The following NRXN3 variants were observed in gnomAD, a reference collection of about 807,000 sequenced individuals.
NRXN3 encodes the protein neurexin III.
NRXN3 carries 32 observed loss-of-function variants against 137.6 expected under a neutral mutation model. That is an observed-to-expected ratio of 0.23 (90% CI 0.18 to 0.31). NRXN3 has a LOEUF of 0.31. NRXN3 is among the 10% of genes least tolerant of loss of function. The pLI is 1.00. For missense variants in NRXN3, 1,574 were observed against 2,062.5 expected (o/e 0.76, Z 4.59); for synonymous variants, 798 against 784.5 (o/e 1.02, Z -0.29).
At chr14:79,622,457 G>A (rs549743102) in intron 16 of NRXN3, among the ~76,000 whole-genome samples, 2 of 152,154 alleles carry the variant, frequency 1.3e-5, no homozygotes, top group South Asian at 4.1e-4. Context: ...ATGGAACGTA[G>A]ATAATTATTG....
At chr14:79,468,618 C>G (rs1204154372) in intron 16 of NRXN3, among the ~76,000 whole-genome samples, 1 of 152,154 alleles carries the variant, frequency 6.6e-6, no homozygotes, top group East Asian at 1.9e-4. Context: ...CATTGCTGGT[C>G]TCTGGAGTTG....
chr14:78,383,794 A>G (rs936868804), intron 4 of NRXN3, among the ~76,000 whole-genome samples: 6 of 152,202 alleles, frequency 3.9e-5, no homozygotes, highest in Admixed American at 2.6e-4. Context: ...TGCCTGATGC[A>G]TAGAAGGTAC....
intron 4 of NRXN3, among the ~76,000 whole-genome samples, chr14:78,535,355 C>T (rs12878624): frequency 0.22 from 33,648 of 152,112 alleles, 4,101 homozygotes; most frequent in Middle Eastern, 0.32. Flanking sequence ...TGATAACAGG[C>T]ACCTCCCCAT....
At chr14:79,039,835 G>C (rs1449400387) in intron 15 of NRXN3, among the ~76,000 whole-genome samples, 4 of 152,028 alleles carry the variant, frequency 2.6e-5, no homozygotes, top group Non-Finnish European at 5.9e-5. Context: ...AGGACTATAG[G>C]TGCATGCCAC....
Position 79,864,716 on chromosome 14 carries a change from TTTTGTTTG to T in NRXN3, c.*2760_*2767del. 1 of 152,192 alleles carries T rather than the reference TTTTGTTTG, an allele frequency of 6.6e-6. No individual in the cohort carries two copies. Among genetic ancestry groups the T allele is most frequent in the Non-Finnish European group, 1.5e-5 (1 of 68,026 alleles). 9.4% of individuals were successfully genotyped at this position (152,192 alleles called of 1,614,324 possible). ...TAGAAAAGATTATTGGATACTATGG[TTTTGTTTG>T]TTTGTTTTTGTTTTTTGTTTTTCGT... is the stretch of plus-strand genomic sequence containing the variant. On this transcript the variant is annotated 3_prime_UTR_variant, in exon 21 of 21. Transcript: ENST00000335750.
intron 4 of NRXN3, among the ~76,000 whole-genome samples, chr14:78,302,121 G>T (rs546433822): frequency 3.3e-5 from 5 of 152,336 alleles, no homozygotes; most frequent in Admixed American, 1.3e-4. Context: ...TCTGATGCGT[G>T]TGGCACTGTT....
chr14:78,555,610 A>G (rs1473625401), intron 4 of NRXN3, among the ~76,000 whole-genome samples: 3 of 152,216 alleles, frequency 2.0e-5, no homozygotes, highest in Admixed American at 1.3e-4. Flanking sequence ...GTGATCTTGA[A>G]CAAATCATTC....
At chr14:78,801,093 G>A (rs1351702454) in intron 8 of NRXN3, among the ~76,000 whole-genome samples, 1 of 152,172 alleles carries the variant, frequency 6.6e-6, no homozygotes, top group East Asian at 1.9e-4. Context: ...AGGCCAAGGA[G>A]GGCGGATCAA....
intron 15 of NRXN3, among the ~76,000 whole-genome samples, chr14:79,306,978 G>A (rs1566744116): frequency 6.6e-6 from 1 of 152,082 alleles, no homozygotes; most frequent in Non-Finnish European, 1.5e-5. Context: ...GTCTCCTTAA[G>A]AAGGGTCATT....
intron 15 of NRXN3, among the ~76,000 whole-genome samples, chr14:79,129,750 G>A (rs199776040): frequency 0.4 from 36,259 of 91,066 alleles, 7,778 homozygotes; most frequent in East Asian, 0.67. Flanking sequence ...TTTCTGTCTC[G>A]TTGATCTGTC....
chr14:78,568,487 C>A (rs2096857142), intron 4 of NRXN3, among the ~76,000 whole-genome samples: 1 of 152,174 alleles, frequency 6.6e-6, no homozygotes, highest in South Asian at 2.1e-4. Context: ...GCCACCTGAA[C>A]AGATTGAGAT....
chr14:79,565,267 G>GTGTATATATACATATACACA (rs2097537193), intron 16 of NRXN3, among the ~76,000 whole-genome samples: 9 of 10,128 alleles, frequency 8.9e-4, no homozygotes, highest in Non-Finnish European at 6.4e-4. Context: ...ATATACACAT[G>GTGTATATATACATATACACA]TGTGTGTGTA....
intron 17 of NRXN3, among the ~76,000 whole-genome samples, chr14:79,686,749 T>C (rs2098696832): frequency 6.6e-6 from 1 of 152,176 alleles, no homozygotes; most frequent in Non-Finnish European, 1.5e-5. Context: ...CCATCTTTGC[T>C]TAAACAGATC....
At chr14:79,254,753 G>GA (rs763752033) in intron 15 of NRXN3, among the ~76,000 whole-genome samples, 5 of 152,100 alleles carry the variant, frequency 3.3e-5, no homozygotes, top group Admixed American at 6.5e-5. Flanking sequence ...GGAAACTAGT[G>GA]AAAAAACTGC....
chr14:78,778,082 C>A (rs952828126), intron 8 of NRXN3, among the ~76,000 whole-genome samples: 4 of 152,094 alleles, frequency 2.6e-5, no homozygotes, highest in Non-Finnish European at 5.9e-5. Flanking sequence ...GGGATTCTTA[C>A]AAAGACATGT....
At chr14:78,959,491 T>G (rs1465319660) in intron 11 of NRXN3, among the ~76,000 whole-genome samples, 1 of 152,076 alleles carries the variant, frequency 6.6e-6, no homozygotes, top group Non-Finnish European at 1.5e-5. Flanking sequence ...AGGGAATGCA[T>G]TAGCTTATTA....
At chr14:78,373,538 T>G (rs189131715) in intron 4 of NRXN3, among the ~76,000 whole-genome samples, 2 of 152,328 alleles carry the variant, frequency 1.3e-5, no homozygotes, top group East Asian at 3.9e-4. Context: ...ACCTGCAAAC[T>G]ACAGCTGTTC....
chr14:78,207,721 C>G (rs1334844322), intron 1 of NRXN3, among the ~76,000 whole-genome samples: 1 of 152,156 alleles, frequency 6.6e-6, no homozygotes, highest in Non-Finnish European at 1.5e-5. Flanking sequence ...GTCATCACGC[C>G]CTTTTGGTTC....
chr14:79,285,188 A>G (rs1205828038), intron 15 of NRXN3, among the ~76,000 whole-genome samples: 1 of 152,066 alleles, frequency 6.6e-6, no homozygotes, highest in Non-Finnish European at 1.5e-5. Flanking sequence ...AACAAGACGC[A>G]CACACACACA....
Sources: allele counts gnomAD v4.1 joint callset (sites outside exome capture counted in the v4.1 genomes callset), GRCh38; gene constraint gnomAD v4.1.1; transcripts MANE v1.5; gene names NCBI Gene and HGNC (gene_info 2026-07-23, HGNC 2026-07-21).